The following EML4 variants were observed in gnomAD, a reference collection of about 807,000 sequenced individuals.
The protein encoded by EML4 is echinoderm microtubule-associated protein-like 4.
A neutral mutation model predicts 129.0 loss-of-function variants in EML4; 72 were observed. The observed-to-expected ratio is 0.56, with a 90% CI of 0.46 to 0.68. The LOEUF (loss-of-function observed/expected upper bound fraction) is 0.68. EML4 is among the 30% of genes least tolerant of loss of function. The probability of loss-of-function intolerance (pLI) is 0.00; values close to 1 mark genes in which losing one functional copy is unlikely to be tolerated. For missense variants in EML4, 1,363 were observed against 1,190.6 expected, an observed-to-expected ratio of 1.14 and a Z score of -2.13; for synonymous variants, 532 against 405.0, an observed-to-expected ratio of 1.31 and a Z score of -3.77.
At chr2:42,310,497 C>T (rs1393467471) in intron 17 of EML4, among the ~76,000 whole-genome samples, 2 of 152,134 alleles carry the variant, frequency 1.3e-5, no homozygotes, top group African/African-American at 4.8e-5. Context: ...AAGCGTGCAC[C>T]ACCATGCCTG....
intron 2 of EML4, among the ~76,000 whole-genome samples, chr2:42,254,833 C>T (rs1210999486): frequency 6.6e-6 from 1 of 151,968 alleles, no homozygotes; most frequent in African/African-American, 2.4e-5. Context: ...AAAAATTTTA[C>T]ACAAATGTTT....
chr2:42,232,927 G>A (rs1015322347), intron 1 of EML4, among the ~76,000 whole-genome samples: 18 of 152,138 alleles, frequency 1.2e-4, no homozygotes, highest in Admixed American at 9.2e-4. Flanking sequence ...GGGTTTCACC[G>A]TGTTAGCCAG....
At chr2:42,199,379 C>G (rs1390137352) in intron 1 of EML4, among the ~76,000 whole-genome samples, 1 of 152,056 alleles carries the variant, frequency 6.6e-6, no homozygotes, top group Admixed American at 6.6e-5. Context: ...AAGATCAAAA[C>G]TTATATGTAA....
Position 42,255,995 on chromosome 2 carries a change from C to T in EML4, c.209-506C>T, listed in dbSNP as rs1029621375. On this transcript the variant is annotated intron_variant, in intron 2 of 22. Coordinates refer to ENST00000318522, the MANE Select transcript of EML4 (RefSeq NM_019063.5). ...TGTGTCTTCTGACCACACTAATATA[C>T]CAGTCACACATTTATTCCACTCCTT... Among the ~76,000 whole-genome samples, 8 of 152,198 alleles carry T rather than the reference C, an allele frequency of 5.3e-5. No individual in the cohort carries two copies. In the South Asian group the frequency reaches 1.7e-3, roughly 32 times the overall value.
At chr2:42,271,550 T>G (rs2104426236) in intron 6 of EML4, among the ~76,000 whole-genome samples, 1 of 152,340 alleles carries the variant, frequency 6.6e-6, no homozygotes, top group African/African-American at 2.4e-5. Context: ...AACATGTTCT[T>G]GACATCCTCT....
Position 42,192,122 on chromosome 2 carries a change from C to CAA in EML4, c.25+22499_25+22500dup, listed in dbSNP as rs34611381. On this transcript the variant is annotated intron_variant, in intron 1 of 22. Transcript: ENST00000318522. ...CATTGCAATAAGAGGGAAACTGTCT[C>CAA]AAAAAAAAAAAAAATCCCTAGTTTT... Among the ~76,000 whole-genome samples the CAA allele has an allele frequency of 3.4e-3, 467 of 138,318 alleles. 3 individuals are homozygous for CAA. The highest frequency in any genetic ancestry group is 4.3e-3 in the East Asian group (21 of 4,856). 90.7% of individuals were successfully genotyped at this position (138,318 alleles called of 152,430 possible). A position where few individuals can be genotyped will look rare whatever the true frequency, so the allele number is the denominator to read the frequency against.
At chr2:42,256,924 A>T (rs1382300839) in intron 3 of EML4, among the ~76,000 whole-genome samples, 1 of 152,220 alleles carries the variant, frequency 6.6e-6, no homozygotes, top group Non-Finnish European at 1.5e-5. Flanking sequence ...GCATCACTAT[A>T]TTTAAAGAAA....
At chr2:42,265,007 T>C in intron 6 of EML4, 1 of 1,479,692 alleles carries the variant, frequency 6.8e-7, no homozygotes, top group South Asian at 1.2e-5. Flanking sequence ...CCTGGATCTC[T>C]TATTTGGCTT....
chr2:42,325,397 G>T (rs2103827120), intron 19 of EML4, 70 bp from the exon 20 acceptor site: 1 of 716,130 alleles, frequency 1.4e-6, no homozygotes, highest in Non-Finnish European at 2.5e-6. Flanking sequence ...AAACAGTATT[G>T]GCTAGCTGTT....
At chr2:42,174,156 TC>T (rs1017581345) in intron 1 of EML4, among the ~76,000 whole-genome samples, 2 of 152,188 alleles carry the variant, frequency 1.3e-5, no homozygotes, top group Non-Finnish European at 2.9e-5. Context: ...ATGTAAAACT[TC>T]AATATTCATA....
At chr2:42,245,993 C>G (rs1163336767) in intron 2 of EML4, among the ~76,000 whole-genome samples, 1 of 151,976 alleles carries the variant, frequency 6.6e-6, no homozygotes, top group African/African-American at 2.4e-5. Flanking sequence ...CGTTTTGTGT[C>G]TCTCATTTCA....
intron 1 of EML4, among the ~76,000 whole-genome samples, chr2:42,235,295 C>CAAA (rs770826722): frequency 8.2e-6 from 1 of 121,836 alleles, no homozygotes; most frequent in South Asian, 2.6e-4. Context: ...AACTCCATCT[C>CAAA]AAAAAAAAAA....
intron 11 of EML4, among the ~76,000 whole-genome samples, chr2:42,292,627 A>G (rs1667711917): frequency 6.6e-6 from 1 of 152,208 alleles, no homozygotes; most frequent in Admixed American, 6.5e-5. Flanking sequence ...GTGACTGGAA[A>G]GGGGATCTAG....
chr2:42,214,354 G>T (rs1372483924), intron 1 of EML4, among the ~76,000 whole-genome samples: 1 of 152,064 alleles, frequency 6.6e-6, no homozygotes, highest in East Asian at 1.9e-4. Flanking sequence ...TTGTATATTT[G>T]AATAGGCTAG....
chr2:42,185,195 C>T (rs933120400), intron 1 of EML4, among the ~76,000 whole-genome samples: 4 of 152,182 alleles, frequency 2.6e-5, no homozygotes, highest in South Asian at 4.1e-4. Context: ...CACCTTCTGG[C>T]CAGCCTGGTC....
At chr2:42,281,319 G>A (rs2104461177) in intron 7 of EML4, among the ~76,000 whole-genome samples, 2 of 151,954 alleles carry the variant, frequency 1.3e-5, no homozygotes, top group Non-Finnish European at 2.9e-5. Flanking sequence ...CTTGAACCCG[G>A]GAGGCGGAGG....
intron 1 of EML4, among the ~76,000 whole-genome samples, chr2:42,188,863 C>T (rs1013029720): frequency 6.6e-6 from 1 of 152,112 alleles, no homozygotes; most frequent in African/African-American, 2.4e-5. Context: ...AGCATGGTGG[C>T]TTACACCTGT....
chr2:42,221,403 CTTTTT>C (rs74816568), intron 1 of EML4, among the ~76,000 whole-genome samples: 5 of 108,268 alleles, frequency 4.6e-5, no homozygotes, highest in East Asian at 3.4e-4. Context: ...ACATGGTTTA[CTTTTT>C]TTTTTTTTTT....
chr2:42,197,108 C>T (rs1010070263), intron 1 of EML4, among the ~76,000 whole-genome samples: 32 of 152,124 alleles, frequency 2.1e-4, no homozygotes, highest in African/African-American at 6.5e-4. Context: ...CGCACTCTGT[C>T]ACCCAGGCTG....
Sources: gnomAD v4.1 joint callset for allele counts (sites outside exome capture counted in the v4.1 genomes callset) on GRCh38, gnomAD v4.1.1 for gene constraint, MANE v1.5 for transcripts, NCBI Gene and HGNC (gene_info 2026-07-23, HGNC 2026-07-21) for gene names.